STARD13: variants seen among roughly 807,000 people sequenced by gnomAD.
The protein encoded by STARD13 is stAR-related lipid transfer protein 13.
In STARD13, 62 loss-of-function variants were observed where a neutral mutation model predicts 106.4. That is an observed-to-expected ratio of 0.58 (90% CI 0.48 to 0.72). STARD13 has a LOEUF of 0.72. STARD13 is among the 30% of genes least tolerant of loss of function. The pLI is 0.00. For missense variants in STARD13, 1,387 were observed against 1,424.0 expected, an observed-to-expected ratio of 0.97 and a Z score of 0.42; for synonymous variants, 565 against 553.0, an observed-to-expected ratio of 1.02 and a Z score of -0.31.
chr13:33,128,158 G>A (rs901660226), intron 5 of STARD13, among the ~76,000 whole-genome samples: 1 of 151,978 alleles, frequency 6.6e-6, no homozygotes, highest in Non-Finnish European at 1.5e-5. Flanking sequence ...GAGGTAGAGC[G>A]ATAAAGACAA....
intron 1 of STARD13, among the ~76,000 whole-genome samples, chr13:33,205,058 C>T (rs946932032): frequency 6.6e-6 from 1 of 152,226 alleles, no homozygotes; most frequent in Non-Finnish European, 1.5e-5. Context: ...TGCTTTAGAT[C>T]CCCTTGGAAT....
intron 1 of STARD13, chr13:33,185,830 C>T (rs1464913494): frequency 6.3e-6 from 10 of 1,598,860 alleles, no homozygotes; most frequent in Non-Finnish European, 7.7e-6. Flanking sequence ...AACAAGTTCA[C>T]AAAGGTCTAT....
chr13:33,269,719 T>C (rs1266659046), intron 1 of STARD13, among the ~76,000 whole-genome samples: 1 of 152,108 alleles, frequency 6.6e-6, no homozygotes, highest in Admixed American at 6.5e-5. Context: ...TTATTAAAGG[T>C]GAAACAATAT....
chr13:33,446,899 T>C, the STARD13 span, among the ~76,000 whole-genome samples: 1 of 152,358 alleles, frequency 6.6e-6, no homozygotes, highest in East Asian at 1.9e-4. Context: ...TTTTGTTATT[T>C]ATCATAGATC....
chr13:33,248,922 A>G (rs1464403481), intron 1 of STARD13, among the ~76,000 whole-genome samples: 1 of 152,236 alleles, frequency 6.6e-6, no homozygotes, highest in East Asian at 1.9e-4. Context: ...TAAATTTTAA[A>G]TAAGCTACTT....
chr13:33,351,735 T>C (rs111561328), upstream of STARD13, among the ~76,000 whole-genome samples: 479 of 152,336 alleles, frequency 3.1e-3, 2 homozygotes, highest in Middle Eastern at 6.8e-3. Flanking sequence ...TGTACCAAGC[T>C]GCCACATAAG....
rs368940534 is a variant in STARD13, at chr13:33,110,714, G to C, written c.2801C>G (p.Thr934Arg). ...TTTGAAAGCAAGATCTGTATTGTCC[G>C]TGCTGGAGCACGTGACCCATCCTTT... ...KFKGWVTCSS[T>R]DNTDLAFKKV... Residue 934 changes from threonine to arginine, a missense_variant, in exon 11 of 14, where the codon ACG becomes AGG. Coordinates refer to ENST00000336934, the MANE Select transcript of STARD13 (RefSeq NM_178006.4). 1 of 1,614,114 alleles carries C rather than the reference G, an allele frequency of 6.2e-7. No homozygotes were observed. Among genetic ancestry groups the C allele is most frequent in the South Asian group, 1.1e-5 (1 of 91,082 alleles).
chr13:33,206,028 C>T, intron 1 of STARD13: 1 of 985,374 alleles, frequency 1.0e-6, no homozygotes, highest in Non-Finnish European at 1.2e-6. Context: ...TCATTCTAGC[C>T]TGATCAATGG....
chr13:33,250,322 C>G (rs1296339233), intron 1 of STARD13, among the ~76,000 whole-genome samples: 1 of 152,174 alleles, frequency 6.6e-6, no homozygotes, highest in Non-Finnish European at 1.5e-5. Flanking sequence ...TAGGAAAGCT[C>G]ATTAGCGCAG....
chr13:33,139,902 G>T (rs1323507811), intron 4 of STARD13, among the ~76,000 whole-genome samples: 3 of 152,210 alleles, frequency 2.0e-5, no homozygotes, highest in Non-Finnish European at 4.4e-5. Flanking sequence ...AGATTCATAA[G>T]TAGGTGGAGA....
At chr13:33,212,521 T>C (rs1887782166) in intron 1 of STARD13, among the ~76,000 whole-genome samples, 1 of 152,174 alleles carries the variant, frequency 6.6e-6, no homozygotes, top group Non-Finnish European at 1.5e-5. Flanking sequence ...CAACATGTAT[T>C]AATCCTCAGG....
At chr13:33,444,461 G>A in the STARD13 span, among the ~76,000 whole-genome samples, 12 of 152,202 alleles carry the variant, frequency 7.9e-5, no homozygotes, top group East Asian at 1.4e-3. Context: ...ATTCCTTTGA[G>A]TTACATTTAA....
chr13:33,499,688 C>A, the STARD13 span, among the ~76,000 whole-genome samples: 1 of 132,058 alleles, frequency 7.6e-6, no homozygotes, highest in African/African-American at 3.4e-5. Context: ...TCCTCTTTCT[C>A]TTCTTCCTCT....
the STARD13 span, among the ~76,000 whole-genome samples, chr13:33,650,658 T>G: frequency 1.3e-5 from 2 of 152,230 alleles, no homozygotes; most frequent in South Asian, 4.1e-4. Context: ...CAGATGAAGG[T>G]GTGCATGCTA....
chr13:33,669,049 GCAGGTCCTGGATCA>G, the STARD13 span, among the ~76,000 whole-genome samples: 1 of 152,154 alleles, frequency 6.6e-6, no homozygotes, highest in Non-Finnish European at 1.5e-5. Context: ...CTGGCAAGTG[GCAGGTCCTGGATCA>G]CAATGTAAAC....
chr13:33,182,592 TA>T (rs142260609), intron 1 of STARD13, among the ~76,000 whole-genome samples: 61 of 150,100 alleles, frequency 4.1e-4, no homozygotes, highest in African/African-American at 1.1e-3. Context: ...GCTGATGAGC[TA>T]AAAAAAAAAT....
intron 1 of STARD13, among the ~76,000 whole-genome samples, chr13:33,229,399 T>G (rs887311020): frequency 6.6e-6 from 1 of 152,150 alleles, no homozygotes; most frequent in East Asian, 1.9e-4. Context: ...ACTTAACATA[T>G]TCGATTTGCC....
intron 1 of STARD13, among the ~76,000 whole-genome samples, chr13:33,313,975 T>TAGTTAGGTA (rs1893235957): frequency 6.6e-6 from 1 of 152,194 alleles, no homozygotes; most frequent in Non-Finnish European, 1.5e-5. Context: ...TTTGATATGA[T>TAGTTAGGTA]AGTTAGGTAC....
the STARD13 span, among the ~76,000 whole-genome samples, chr13:33,623,437 A>T: frequency 8.4e-6 from 1 of 118,426 alleles, no homozygotes. Flanking sequence ...GTAAAAAAAA[A>T]AAAAAAAAAA....
Sources: gnomAD v4.1 joint callset for allele counts (sites outside exome capture counted in the v4.1 genomes callset) on GRCh38, gnomAD v4.1.1 for gene constraint, MANE v1.5 for transcripts, NCBI Gene and HGNC (gene_info 2026-07-23, HGNC 2026-07-21) for gene names.